Variants in KIFC3 observed in about 807,000 individuals in gnomAD.
The protein encoded by KIFC3 is kinesin-like protein KIFC3.
KIFC3 carries 60 observed loss-of-function variants against 101.8 expected under a neutral mutation model. The ratio of observed to expected loss-of-function variants is 0.59; its 90% CI spans 0.48 to 0.73. The LOEUF is 0.73. KIFC3 is among the 30% of genes least tolerant of loss of function. The pLI is 0.00. For missense variants in KIFC3, 966 were observed against 1,137.1 expected (o/e 0.85, Z 2.16); for synonymous variants, 476 against 482.7 (o/e 0.99, Z 0.18).
rs1329766041 is a variant in KIFC3, at chr16:57,786,506, GGA to G, written c.315+8491_315+8492del. On this transcript the variant is annotated intron_variant, in intron 3 of 19. Transcript: ENST00000445690. ...GCAGGTAGGGAGCAAAGAGTTTGGG[GGA>G]GAGAGAGAAGAATGGGGGGCTAGGG... 3.3e-5 allele frequency among the ~76,000 whole-genome samples: 5 copies of G among 152,100 alleles called. No homozygotes were observed. The South Asian group carries it at 6.2e-4, about 19-fold the overall frequency.
In KIFC3 at chr16:57,776,587, C is replaced by G. The variant is rs377727176; in HGVS notation, c.316-4299G>C. The G allele has an allele frequency of 9.1e-5, 18 of 196,766 alleles. No individual in the cohort carries two copies. The East Asian group carries it at 1.3e-3, about 14-fold the overall frequency. 12.2% of individuals were successfully genotyped at this position (196,766 alleles called of 1,614,324 possible). On this transcript the variant is annotated intron_variant, in intron 3 of 19. Transcript: ENST00000445690. ...CATGGAAGCTGTCTCGAGGATTAAA[C>G]GAGATGATATATGCGAAGGCAGGGA...
At chr16:57,792,164 G>C (rs2053929638) in intron 3 of KIFC3, among the ~76,000 whole-genome samples, 1 of 152,204 alleles carries the variant, frequency 6.6e-6, no homozygotes, top group African/African-American at 2.4e-5. Context: ...AGTGTGTGTG[G>C]ATGGTCAGGA....
intron 1 of KIFC3, among the ~76,000 whole-genome samples, chr16:57,852,872 T>A (rs941376698): frequency 6.6e-5 from 10 of 152,192 alleles, no homozygotes; most frequent in Admixed American, 5.9e-4. Flanking sequence ...AAAAGCTAAA[T>A]ATGTATATTG....
intron 13 of KIFC3, among the ~76,000 whole-genome samples, chr16:57,761,810 T>G (rs1211909713): frequency 6.6e-6 from 1 of 152,044 alleles, no homozygotes; most frequent in Non-Finnish European, 1.5e-5. Context: ...GGGCAAGGAT[T>G]GCCTGGGTCT....
At chr16:57,765,891 G>A (rs1555602545) in intron 10 of KIFC3, 3 of 443,744 alleles carry the variant, frequency 6.8e-6, no homozygotes, top group Non-Finnish European at 1.2e-5. Flanking sequence ...GGGGAGGAAA[G>A]GTCAGTTGTG....
upstream of KIFC3, among the ~76,000 whole-genome samples, chr16:57,804,429 G>A (rs182288853): frequency 1.9e-3 from 291 of 152,310 alleles, no homozygotes; most frequent in Non-Finnish European, 2.7e-3. Flanking sequence ...ATAGAGCTAT[G>A]ACTCCAATAG....
chr16:57,808,860 G>T (rs2055004117), intron 1 of KIFC3, among the ~76,000 whole-genome samples: 1 of 152,198 alleles, frequency 6.6e-6, no homozygotes, highest in African/African-American at 2.4e-5. Context: ...GAGTTATGGT[G>T]AGATGTAAAT....
chr16:57,834,023 C>T (rs6499914), intron 1 of KIFC3, among the ~76,000 whole-genome samples: 1,582 of 151,750 alleles, frequency 0.01, 23 homozygotes, highest in African/African-American at 0.036. Flanking sequence ...CCACCACGCC[C>T]GGCTACTTTT....
chr16:57,765,416 C>T, intron 11 of KIFC3, 43 bp downstream of exon 11: 1 of 1,530,750 alleles, frequency 6.5e-7, no homozygotes, highest in South Asian at 1.2e-5. Flanking sequence ...CCATCTTTCC[C>T]TCTCTCCCTT....
intron 14 of KIFC3, 78 bp downstream of exon 14, chr16:57,761,335 C>T: frequency 3.1e-6 from 5 of 1,596,706 alleles, no homozygotes; most frequent in Non-Finnish European, 3.4e-6. Context: ...GTGCTTAGGA[C>T]ACAGCAGAGC....
chr16:57,806,481 C>A (rs558065659), upstream of KIFC3, among the ~76,000 whole-genome samples: 4 of 152,280 alleles, frequency 2.6e-5, no homozygotes, highest in East Asian at 5.8e-4. Context: ...CCTGTGTATA[C>A]CATCTGCTCC....
intron 1 of KIFC3, among the ~76,000 whole-genome samples, chr16:57,860,078 A>AAATAAAATC (rs1567349162): frequency 1.4e-5 from 2 of 146,126 alleles, no homozygotes; most frequent in African/African-American, 5.0e-5. Flanking sequence ...AAAATAAAAT[A>AAATAAAATC]AAATAAAATA....
rs139044718 is a variant in KIFC3, at chr16:57,781,878, G to A, written c.316-9590C>T. On this transcript the variant is annotated intron_variant, in intron 3 of 19. Coordinates refer to ENST00000445690, the MANE Select transcript of KIFC3 (RefSeq NM_001130100.2). The stretch of plus-strand genomic sequence containing the variant: ...CCAGTAAGTGGTGGACCTAGGACCG[G>A]AACTCGCATCTGGCTGACCCTTGCA... The A allele has an allele frequency of 7.3e-6, 7 of 964,068 alleles. No individual in the cohort carries two copies. In the African/African-American group the frequency reaches 1.1e-4, roughly 15 times the overall value. 59.7% of individuals were successfully genotyped at this position (964,068 alleles called of 1,614,324 possible).
chr16:57,839,982 C>T (rs1380560081), intron 1 of KIFC3, among the ~76,000 whole-genome samples: 5 of 152,154 alleles, frequency 3.3e-5, no homozygotes, highest in African/African-American at 9.7e-5. Context: ...ATTGTCCCCT[C>T]GCTGGCCCAT....
At position 57,758,440 on chromosome 16, in the gene KIFC3, C is replaced by T. The variant is rs1416611654; in HGVS notation, c.*494G>A. On this transcript the variant is annotated 3_prime_UTR_variant, in exon 20 of 20. Transcript: ENST00000445690. The stretch of plus-strand genomic sequence containing the variant: ...CCGCACACCCCCCAGCTGCGGGAAC[C>T]CTCCTTGAAGGAGAGGGGCGGGGAG... The T allele has an allele frequency of 2.7e-6, 1 of 375,652 alleles. No individual in the cohort carries two copies. 23.3% of individuals were successfully genotyped at this position (375,652 alleles called of 1,614,324 possible).
chr16:57,840,197 G>A (rs1984644), intron 1 of KIFC3, among the ~76,000 whole-genome samples: 10,502 of 151,988 alleles, frequency 0.069, 546 homozygotes, highest in African/African-American at 0.14. Flanking sequence ...AATTAACCAG[G>A]CGTGGTGGCG....
rs571041329 is a variant in KIFC3, at chr16:57,775,393, C to A, written c.316-3105G>T. 26 of 1,058,702 alleles carry A rather than the reference C, an allele frequency of 2.5e-5. No individual in the cohort carries two copies. In the South Asian group the frequency reaches 8.9e-4, roughly 36 times the overall value. The allele number at this position is 1,058,702 out of a possible 1,614,324, so 65.6% of individuals were successfully genotyped here. ...TGGCCAAGGCACCAGTGGCCTGCTC[C>A]GTGGCAGGTGGTTGGCCAGCTCTAC... On this transcript the variant is annotated intron_variant, in intron 3 of 19. Coordinates refer to ENST00000445690, the MANE Select transcript of KIFC3 (RefSeq NM_001130100.2).
At chr16:57,827,632 G>C (rs556167612) in intron 1 of KIFC3, among the ~76,000 whole-genome samples, 1 of 152,148 alleles carries the variant, frequency 6.6e-6, no homozygotes, top group South Asian at 2.1e-4. Flanking sequence ...CGTTTTCTGA[G>C]GTCTAGAAGT....
chr16:57,816,360 G>C, intron 1 of KIFC3: 2 of 886,770 alleles, frequency 2.3e-6, no homozygotes, highest in Non-Finnish European at 3.2e-6. Flanking sequence ...GCCCCTCCTG[G>C]CTTCCTCTTG....
Sources: allele counts gnomAD v4.1 joint callset (sites outside exome capture counted in the v4.1 genomes callset), GRCh38; gene constraint gnomAD v4.1.1; transcripts MANE v1.5; gene names NCBI Gene and HGNC (gene_info 2026-07-23, HGNC 2026-07-21).